Variants in NTNG1 observed in about 807,000 individuals in gnomAD.
NTNG1 encodes the protein netrin G1, also known as netrin-G1.
A neutral mutation model predicts 54.0 loss-of-function variants in NTNG1; 16 were observed. That is an observed-to-expected ratio of 0.30 (90% CI 0.20 to 0.45). The LOEUF (loss-of-function observed/expected upper bound fraction) is 0.45, where lower values mean the gene tolerates loss of function less well. Ranked by LOEUF, NTNG1 falls within the 20% of genes least tolerant of loss-of-function variation. The pLI is 1.00. For missense variants in NTNG1, 530 were observed against 678.7 expected, an observed-to-expected ratio of 0.78 and a Z score of 2.43; for synonymous variants, 255 against 263.1, an observed-to-expected ratio of 0.97 and a Z score of 0.30.
At chr1:107,463,691 T>G (rs1189661223) in intron 7 of NTNG1, among the ~76,000 whole-genome samples, 2 of 152,154 alleles carry the variant, frequency 1.3e-5, no homozygotes, top group Non-Finnish European at 2.9e-5. Flanking sequence ...AGAACCAAAA[T>G]GTACTTGTGG....
At chr1:107,200,553 C>T (rs1485042843) in intron 2 of NTNG1, among the ~76,000 whole-genome samples, 1 of 151,648 alleles carries the variant, frequency 6.6e-6, no homozygotes, top group Admixed American at 6.6e-5. Flanking sequence ...CCCTTCTTGG[C>T]CAACCCTTTG....
intron 3 of NTNG1, among the ~76,000 whole-genome samples, chr1:107,367,096 T>TG (rs1444144889): frequency 7.5e-6 from 1 of 132,850 alleles, no homozygotes; most frequent in East Asian, 2.1e-4. Flanking sequence ...GTGTGTGTGT[T>TG]TCTCTAGCAC....
At chr1:107,248,746 A>G (rs74108669) in intron 2 of NTNG1, among the ~76,000 whole-genome samples, 2,561 of 152,224 alleles carry the variant, frequency 0.017, 72 homozygotes, top group African/African-American at 0.058. Flanking sequence ...TGAATTTCAC[A>G]TCATTCTTTC....
At chr1:107,254,885 G>C (rs1053239729) in intron 2 of NTNG1, among the ~76,000 whole-genome samples, 1 of 152,162 alleles carries the variant, frequency 6.6e-6, no homozygotes, top group Non-Finnish European at 1.5e-5. Context: ...ATTCAAAGAG[G>C]CTTCATACAT....
chr1:107,378,127 C>G (rs1407173356), intron 3 of NTNG1, among the ~76,000 whole-genome samples: 1 of 152,148 alleles, frequency 6.6e-6, no homozygotes, highest in African/African-American at 2.4e-5. Flanking sequence ...ATTTTACGTG[C>G]TTGCAATGTA....
At chr1:107,276,537 T>A (rs563507132) in intron 2 of NTNG1, among the ~76,000 whole-genome samples, 16 of 152,210 alleles carry the variant, frequency 1.1e-4, no homozygotes, top group African/African-American at 3.9e-4. Flanking sequence ...GCCTTTCTCA[T>A]GTGGAAGAAT....
intron 2 of NTNG1, among the ~76,000 whole-genome samples, chr1:107,299,377 T>C (rs373424942): frequency 1.3e-4 from 20 of 152,338 alleles, no homozygotes; most frequent in African/African-American, 4.8e-4. Context: ...CATAGTTTAA[T>C]TTGAAGCGTT....
At chr1:107,206,175 C>T (rs1659176150) in intron 2 of NTNG1, among the ~76,000 whole-genome samples, 1 of 151,964 alleles carries the variant, frequency 6.6e-6, no homozygotes. Context: ...CTTTCGTGGA[C>T]ACTGAAAAAA....
intron 7 of NTNG1, among the ~76,000 whole-genome samples, chr1:107,476,955 G>A (rs1207980644): frequency 6.6e-6 from 1 of 152,230 alleles, no homozygotes; most frequent in African/African-American, 2.4e-5. Context: ...TTTCAACAGA[G>A]AGAATTTATT....
chr1:107,300,558 C>G (rs1666254833), intron 2 of NTNG1, among the ~76,000 whole-genome samples: 1 of 152,126 alleles, frequency 6.6e-6, no homozygotes, highest in Non-Finnish European at 1.5e-5. Context: ...CTATTTACTT[C>G]AAAACAATAC....
intron 2 of NTNG1, among the ~76,000 whole-genome samples, chr1:107,246,383 G>A (rs1662202480): frequency 1.4e-5 from 2 of 145,028 alleles, no homozygotes; most frequent in African/African-American, 5.2e-5. Context: ...AAGTCAATAT[G>A]AGAGTTTTAT....
chr1:107,247,909 C>G (rs1662307175), intron 2 of NTNG1, among the ~76,000 whole-genome samples: 1 of 152,160 alleles, frequency 6.6e-6, no homozygotes, highest in African/African-American at 2.4e-5. Flanking sequence ...TCTGGTGCTG[C>G]ACAGATGAGG....
At chr1:107,171,264 A>G (rs1231213787) in intron 2 of NTNG1, among the ~76,000 whole-genome samples, 5 of 152,010 alleles carry the variant, frequency 3.3e-5, no homozygotes, top group African/African-American at 1.2e-4. Flanking sequence ...CACCCCCAAA[A>G]AAGTTTTCAT....
intron 2 of NTNG1, among the ~76,000 whole-genome samples, chr1:107,191,904 G>A (rs1277910849): frequency 2.6e-5 from 4 of 152,074 alleles, no homozygotes; most frequent in Non-Finnish European, 2.9e-5. Context: ...TTGACTTGGC[G>A]ATGCGGGCTC....
chr1:107,466,643 G>A (rs1305050924), intron 7 of NTNG1, among the ~76,000 whole-genome samples: 1 of 152,160 alleles, frequency 6.6e-6, no homozygotes, highest in African/African-American at 2.4e-5. Context: ...AATCTAACCT[G>A]GGTATGTCTT....
At chr1:107,189,167 G>A (rs762297512) in intron 2 of NTNG1, among the ~76,000 whole-genome samples, 1 of 151,680 alleles carries the variant, frequency 6.6e-6, no homozygotes. Context: ...GCCTGGCCAC[G>A]TGGCGAAACT....
intron 2 of NTNG1, among the ~76,000 whole-genome samples, chr1:107,226,994 C>T (rs1660730692): frequency 6.6e-6 from 1 of 152,100 alleles, no homozygotes; most frequent in South Asian, 2.1e-4. Context: ...CTTCTGTATG[C>T]TTCAGTAATG....
chr1:107,194,929 G>GA (rs892996488), intron 2 of NTNG1, among the ~76,000 whole-genome samples: 2 of 151,554 alleles, frequency 1.3e-5, no homozygotes, highest in African/African-American at 2.4e-5. Context: ...TTTCTATAGG[G>GA]AAAAAAAAGG....
chr1:107,393,057 A>C (rs1471299469), intron 3 of NTNG1, among the ~76,000 whole-genome samples: 1 of 152,188 alleles, frequency 6.6e-6, no homozygotes, highest in African/African-American at 2.4e-5. Context: ...TTATTATTCA[A>C]AGAATATCTT....
Sources: gnomAD v4.1 joint callset for allele counts (sites outside exome capture counted in the v4.1 genomes callset) on GRCh38, gnomAD v4.1.1 for gene constraint, MANE v1.5 for transcripts, NCBI Gene and HGNC (gene_info 2026-07-23, HGNC 2026-07-21) for gene names.